The following MAP2 variants were observed in gnomAD, a reference collection of about 807,000 sequenced individuals.
MAP2 encodes the protein microtubule associated protein 2.
MAP2 carries 14 observed loss-of-function variants against 137.6 expected under a neutral mutation model. That is an observed-to-expected ratio of 0.10 (90% confidence interval 0.07 to 0.16). The LOEUF is 0.16. MAP2 is among the 10% of genes least tolerant of loss of function. The pLI, the probability that MAP2 is intolerant of heterozygous loss-of-function variation, is 1.00. For missense variants in MAP2, 2,088 were observed against 2,191.5 expected (o/e 0.95, Z 0.94); for synonymous variants, 786 against 782.3 (o/e 1.00, Z -0.08).
At chr2:209,436,188 A>C (rs1574809471) in intron 1 of MAP2, among the ~76,000 whole-genome samples, 1 of 151,028 alleles carries the variant, frequency 6.6e-6, no homozygotes, top group Non-Finnish European at 1.5e-5. Flanking sequence ...GTGTATATGT[A>C]TGTTAACAAA....
intron 5 of MAP2, among the ~76,000 whole-genome samples, chr2:209,667,466 A>T (rs1237295187): frequency 6.6e-6 from 1 of 152,030 alleles, no homozygotes; most frequent in African/African-American, 2.4e-5. Context: ...AGCTATTTTT[A>T]GGCATATTCT....
chr2:209,593,857 AATAT>A (rs1472821021), intron 3 of MAP2, among the ~76,000 whole-genome samples: 4 of 114,312 alleles, frequency 3.5e-5, no homozygotes, highest in Non-Finnish European at 6.8e-5. Context: ...TATATTATAA[AATAT>A]ATATTTATAT....
chr2:209,682,767 C>A (rs116204440), intron 7 of MAP2, among the ~76,000 whole-genome samples: 1,559 of 152,062 alleles, frequency 0.01, 19 homozygotes, highest in African/African-American at 0.036. Context: ...GAAGGGGGTC[C>A]GTGGCTGATG....
intron 5 of MAP2, chr2:209,661,661 A>G: frequency 1.0e-6 from 1 of 985,446 alleles, no homozygotes; most frequent in Non-Finnish European, 1.2e-6. Context: ...GGATTGATAG[A>G]AAAGGCAGTT....
intron 12 of MAP2, 71 bp from the exon 13 acceptor site, chr2:209,709,843 T>C: frequency 9.2e-7 from 1 of 1,086,098 alleles, no homozygotes; most frequent in Non-Finnish European, 1.4e-6. Flanking sequence ...TCTAACAATC[T>C]ATGGGAAGAG....
At chr2:209,715,602 A>G (rs938840503) in intron 13 of MAP2, among the ~76,000 whole-genome samples, 1 of 152,208 alleles carries the variant, frequency 6.6e-6, no homozygotes, top group Admixed American at 6.5e-5. Flanking sequence ...TGTTAAGAGG[A>G]AATTGCATTT....
intron 2 of MAP2, among the ~76,000 whole-genome samples, chr2:209,575,091 CTCTT>C (rs1338142655): frequency 6.6e-6 from 1 of 152,138 alleles, no homozygotes; most frequent in African/African-American, 2.4e-5. Flanking sequence ...ATCAAACAAA[CTCTT>C]TCTGAGCATT....
chr2:209,556,027 T>TC (rs1162337703), intron 2 of MAP2, among the ~76,000 whole-genome samples: 1 of 149,878 alleles, frequency 6.7e-6, no homozygotes, highest in Non-Finnish European at 1.5e-5. Flanking sequence ...ATTCTTTCTT[T>TC]TTTTTTTTTC....
intron 5 of MAP2, among the ~76,000 whole-genome samples, 174 bp from the exon 6 acceptor site, chr2:209,678,398 C>A (rs910196398): frequency 4.6e-5 from 7 of 151,966 alleles, no homozygotes; most frequent in Middle Eastern, 3.2e-3. Flanking sequence ...AACTTCTTTT[C>A]TTCTTCTTTT....
chr2:209,428,165 T>C (rs1369161760), intron 1 of MAP2, among the ~76,000 whole-genome samples: 2 of 152,198 alleles, frequency 1.3e-5, no homozygotes, highest in Non-Finnish European at 2.9e-5. Context: ...TAATCTTTGA[T>C]CTTTCCTGTT....
intron 1 of MAP2, among the ~76,000 whole-genome samples, chr2:209,436,138 G>A (rs1266845283): frequency 1.3e-5 from 2 of 150,006 alleles, no homozygotes; most frequent in Non-Finnish European, 3.0e-5. Flanking sequence ...TGACTTCACA[G>A]ATTAAGTTAG....
chr2:209,681,226 C>G (rs2054420878), intron 7 of MAP2, among the ~76,000 whole-genome samples: 1 of 152,166 alleles, frequency 6.6e-6, no homozygotes, highest in African/African-American at 2.4e-5. Context: ...GAAATCAACA[C>G]TTCCTTATGA....
chr2:209,540,888 G>A (rs181530868), intron 2 of MAP2, among the ~76,000 whole-genome samples: 10 of 150,722 alleles, frequency 6.6e-5, no homozygotes, highest in Non-Finnish European at 4.4e-5. Flanking sequence ...TAGCTGCCAC[G>A]ATAAAGCAAG....
At chr2:209,723,763 C>T in intron 13 of MAP2, 2 of 957,476 alleles carry the variant, frequency 2.1e-6, no homozygotes, top group Middle Eastern at 2.1e-4. Context: ...TGCCTTCTTT[C>T]CCACCTCTTT....
At chr2:209,440,141 T>C (rs1697398156) in intron 1 of MAP2, among the ~76,000 whole-genome samples, 1 of 151,544 alleles carries the variant, frequency 6.6e-6, no homozygotes, top group African/African-American at 2.4e-5. Context: ...TTTCCTTGTT[T>C]GTACAGTATT....
intron 10 of MAP2, among the ~76,000 whole-genome samples, chr2:209,699,059 G>C (rs1391891540): frequency 6.6e-6 from 1 of 152,100 alleles, no homozygotes; most frequent in Non-Finnish European, 1.5e-5. Context: ...CTTTATTCTG[G>C]TCTAATGTTA....
At chr2:209,588,636 A>G (rs781005767) in intron 3 of MAP2, among the ~76,000 whole-genome samples, 7 of 152,164 alleles carry the variant, frequency 4.6e-5, no homozygotes, top group Non-Finnish European at 8.8e-5. Flanking sequence ...TGCTTTTTAT[A>G]TGATTTTCTC....
chr2:209,615,054 T>G (rs1396132792), intron 3 of MAP2, among the ~76,000 whole-genome samples: 1 of 152,166 alleles, frequency 6.6e-6, no homozygotes, highest in African/African-American at 2.4e-5. Context: ...AATGCATGCC[T>G]TTCCAAATTA....
intron 2 of MAP2, among the ~76,000 whole-genome samples, chr2:209,572,753 C>G (rs977909678): frequency 6.6e-6 from 1 of 152,102 alleles, no homozygotes; most frequent in Non-Finnish European, 1.5e-5. Context: ...TCTCAACATA[C>G]AGATGTTTTT....
Sources: gnomAD v4.1 joint callset for allele counts (sites outside exome capture counted in the v4.1 genomes callset) on GRCh38, gnomAD v4.1.1 for gene constraint, MANE v1.5 for transcripts, NCBI Gene and HGNC (gene_info 2026-07-23, HGNC 2026-07-21) for gene names.